Variants in GOLPH3L observed in about 807,000 individuals in gnomAD.
The protein encoded by GOLPH3L is Golgi phosphoprotein 3-like.
A neutral mutation model predicts 30.3 loss-of-function variants in GOLPH3L; 22 were observed. That is an observed-to-expected ratio of 0.73 (90% CI 0.52 to 1.04). The LOEUF is 1.04. Ranked by LOEUF, GOLPH3L falls within the 50% of genes least tolerant of loss-of-function variation. GOLPH3L has a pLI of 0.00. For missense variants in GOLPH3L, 303 were observed against 345.8 expected (o/e 0.88, Z 0.98); for synonymous variants, 120 against 128.2 (o/e 0.94, Z 0.43).
chr1:150,681,931 T>G (rs1650960378), intron 2 of GOLPH3L, among the ~76,000 whole-genome samples: 1 of 152,002 alleles, frequency 6.6e-6, no homozygotes, highest in Non-Finnish European at 1.5e-5. Flanking sequence ...GCTGGGTATG[T>G]GGCAGGCGCC....
chr1:150,663,226 G>A lies in GOLPH3L; in HGVS notation c.315+406C>T, dbSNP rs746402590. Among the ~76,000 whole-genome samples, 174 of 152,094 alleles carry A rather than the reference G, an allele frequency of 1.1e-3. 2 individuals are homozygous for A. Among genetic ancestry groups the A allele is most frequent in the Middle Eastern group, 3.4e-3 (1 of 292 alleles). ...ATTTTTTTTTTAAATATTTCTCGTA[G>A]AGATGGGATTTCACCGTGTTAGCCA... On this transcript the variant is annotated intron_variant, in intron 3 of 4. Transcript: ENST00000271732.
chr1:150,689,259 TA>T (rs1193971889), intron 2 of GOLPH3L, among the ~76,000 whole-genome samples: 3 of 152,018 alleles, frequency 2.0e-5, no homozygotes, highest in Non-Finnish European at 4.4e-5. Context: ...ATCCACAAAT[TA>T]AATAGATGAG....
At chr1:150,691,223 C>G (rs587662755) in intron 2 of GOLPH3L, among the ~76,000 whole-genome samples, 1 of 151,436 alleles carries the variant, frequency 6.6e-6, no homozygotes, top group Non-Finnish European at 1.5e-5. Flanking sequence ...GTAGTTTACG[C>G]CTGTAATCCC....
At chr1:150,682,092 A>T (rs1650967714) in intron 2 of GOLPH3L, among the ~76,000 whole-genome samples, 2 of 152,018 alleles carry the variant, frequency 1.3e-5, no homozygotes, top group South Asian at 4.1e-4. Context: ...GCATCTGTGT[A>T]TACATATATA....
chr1:150,648,742 G>A lies in GOLPH3L; in HGVS notation c.437C>T (p.Thr146Ile). The A allele has an allele frequency of 1.9e-6, 3 of 1,600,180 alleles. No homozygotes were observed. The highest frequency in any genetic ancestry group is 2.6e-6 in the Non-Finnish European group (3 of 1,167,992). Residue 146 changes from threonine (T) to isoleucine (I), a missense_variant, in exon 5 of 5, where the codon ACC becomes ATC. Transcript: ENST00000271732. ...GTACTGTAATTTGAAGGGGTTCCAG[G>A]TCTCACCTATGAGAAAAAAGAAATA... is the stretch of plus-strand genomic sequence containing the variant. Reference protein sequence around the residue: ...QTWIELLTGETWNPFKLQYQL... With the variant: ...QTWIELLTGEIWNPFKLQYQL...
intron 2 of GOLPH3L, among the ~76,000 whole-genome samples, chr1:150,687,854 A>T (rs1044112485): frequency 6.6e-6 from 1 of 152,190 alleles, no homozygotes; most frequent in East Asian, 1.9e-4. Context: ...TTCATAATGA[A>T]CTCTTGAATG....
At chr1:150,666,656 A>G (rs955925983) in intron 2 of GOLPH3L, among the ~76,000 whole-genome samples, 2 of 152,158 alleles carry the variant, frequency 1.3e-5, no homozygotes, top group Non-Finnish European at 2.9e-5. Flanking sequence ...TTTTTAAAAA[A>G]TATCCGGCTT....
chr1:150,649,381 T>G (rs1285186771), intron 4 of GOLPH3L, among the ~76,000 whole-genome samples: 1 of 152,070 alleles, frequency 6.6e-6, no homozygotes, highest in Non-Finnish European at 1.5e-5. Context: ...AATGAAGAGC[T>G]CCAAAGCTCT....
intron 1 of GOLPH3L, 145 bp from the exon 2 acceptor site, chr1:150,694,995 A>G: frequency 1.7e-6 from 1 of 579,500 alleles, no homozygotes; most frequent in South Asian, 2.5e-5. Flanking sequence ...ATGACCAGAA[A>G]AAAATGGGTG....
At chr1:150,652,292 AAT>A (rs1650119405) in intron 4 of GOLPH3L, among the ~76,000 whole-genome samples, 1 of 147,408 alleles carries the variant, frequency 6.8e-6, no homozygotes, top group Non-Finnish European at 1.5e-5. Context: ...GAGGCAGGAG[AAT>A]CACTTGAACC....
chr1:150,678,710 G>A (rs888718702), intron 2 of GOLPH3L, among the ~76,000 whole-genome samples: 4 of 152,160 alleles, frequency 2.6e-5, no homozygotes, highest in East Asian at 3.9e-4. Flanking sequence ...GGGGTGCGGT[G>A]GCTCATGCCA....
At chr1:150,688,226 C>T (rs11204700) in intron 2 of GOLPH3L, among the ~76,000 whole-genome samples, 125,812 of 152,098 alleles carry the variant, frequency 0.83, 53,026 homozygotes, top group Non-Finnish European at 0.9. Context: ...TCTGGATACA[C>T]TGTATTTCAC....
chr1:150,668,687 C>A (rs1650572196), intron 2 of GOLPH3L, among the ~76,000 whole-genome samples: 1 of 151,654 alleles, frequency 6.6e-6, no homozygotes, highest in Non-Finnish European at 1.5e-5. Context: ...CTGGCCCCAA[C>A]TCATATTTGT....
intron 2 of GOLPH3L, among the ~76,000 whole-genome samples, chr1:150,691,024 T>A (rs1651196249): frequency 6.6e-6 from 1 of 152,134 alleles, no homozygotes; most frequent in Non-Finnish European, 1.5e-5. Flanking sequence ...CCAGGTGCAG[T>A]GGCTCACGCT....
chr1:150,648,367 G>GCACTA lies in GOLPH3L; in HGVS notation c.807_811dup (p.Ala271ValfsTer6). The GCACTA allele has an allele frequency of 6.2e-7, 1 of 1,613,790 alleles. No individual in the cohort carries two copies. On this transcript the variant is annotated frameshift_variant, in exon 5 of 5. Coordinates refer to ENST00000271732, the MANE Select transcript of GOLPH3L (RefSeq NM_018178.6). LOFTEE classifies it high-confidence loss of function. ...CAGCACAGCCCAGATCATTTCTGTG[G>GCACTA]CACTAGGCTTTGTCCCTTCCACTTC...
Position 150,694,468 on chromosome 1 carries a change from C to A in GOLPH3L, c.183+188G>T, listed in dbSNP as rs1651298016. On this transcript the variant is annotated intron_variant, in intron 2 of 4. Coordinates refer to ENST00000271732, the MANE Select transcript of GOLPH3L (RefSeq NM_018178.6). The stretch of plus-strand genomic sequence containing the variant: ...AGTAATTTTGTAATTAAATACACTT[C>A]ACGTAATTCTACTTCTGGATTTTTA... The A allele has an allele frequency of 2.0e-5, 10 of 491,314 alleles. 1 individual carries two copies. In the East Asian group the frequency reaches 3.3e-4, roughly 16 times the overall value. 30.4% of individuals were successfully genotyped at this position (491,314 alleles called of 1,614,324 possible).
chr1:150,693,797 A>ATGTGTG (rs796936730), intron 2 of GOLPH3L, among the ~76,000 whole-genome samples: 900 of 60,950 alleles, frequency 0.015, 47 homozygotes, highest in African/African-American at 0.068. Flanking sequence ...TTGTTTATGT[A>ATGTGTG]TGTGTGTGTG....
intron 4 of GOLPH3L, among the ~76,000 whole-genome samples, chr1:150,659,329 C>T (rs1459537203): frequency 6.6e-6 from 1 of 152,198 alleles, no homozygotes; most frequent in Non-Finnish European, 1.5e-5. Context: ...GCCTTGATGC[C>T]CATGCTGGAA....
intron 2 of GOLPH3L, among the ~76,000 whole-genome samples, chr1:150,685,027 G>A (rs1473137691): frequency 6.6e-6 from 1 of 152,080 alleles, no homozygotes; most frequent in Non-Finnish European, 1.5e-5. Flanking sequence ...TCTTCCTTTT[G>A]CCAGTTGGGT....
Sources: gnomAD v4.1 joint callset for allele counts (sites outside exome capture counted in the v4.1 genomes callset) on GRCh38, gnomAD v4.1.1 for gene constraint, MANE v1.5 for transcripts, NCBI Gene and HGNC (gene_info 2026-07-23, HGNC 2026-07-21) for gene names.